CDH13: variants seen among roughly 807,000 people sequenced by gnomAD.
CDH13 encodes cadherin 13.
CDH13 carries 24 observed loss-of-function variants against 63.8 expected under a neutral mutation model. That is an observed-to-expected ratio of 0.38 (90% confidence interval 0.27 to 0.53). The LOEUF (loss-of-function observed/expected upper bound fraction) is 0.53, where lower values mean the gene tolerates loss of function less well. Among genes scored for constraint, CDH13 ranks in the 20% least tolerant of loss-of-function variants. The probability of loss-of-function intolerance (pLI) is 0.85; values close to 1 mark genes in which losing one functional copy is unlikely to be tolerated. For synonymous variants in CDH13, 503 were observed against 355.3 expected (o/e 1.42, Z -4.67); for missense variants, 1,049 against 903.1 (o/e 1.16, Z -2.07).
At chr16:83,463,606 G>C (rs1013397203) in intron 6 of CDH13, among the ~76,000 whole-genome samples, 1 of 152,188 alleles carries the variant, frequency 6.6e-6, no homozygotes, top group Non-Finnish European at 1.5e-5. Flanking sequence ...TTCAAGACCA[G>C]TCTGGGCAAC....
chr16:82,731,058 G>A (rs1340907989), intron 1 of CDH13, among the ~76,000 whole-genome samples: 1 of 152,176 alleles, frequency 6.6e-6, no homozygotes, highest in African/African-American at 2.4e-5. Flanking sequence ...ATAGCTGCCA[G>A]CACTTCATTC....
At chr16:82,868,813 G>C (rs977839709) in intron 2 of CDH13, among the ~76,000 whole-genome samples, 1 of 152,202 alleles carries the variant, frequency 6.6e-6, no homozygotes, top group Non-Finnish European at 1.5e-5. Context: ...TTTCTGGGTA[G>C]TGTTGCGTCT....
At chr16:83,765,125 C>G (rs557234016) in intron 11 of CDH13, among the ~76,000 whole-genome samples, 117 of 152,334 alleles carry the variant, frequency 7.7e-4, no homozygotes, top group African/African-American at 2.7e-3. Context: ...AACACCATCC[C>G]ACATCTGCTT....
chr16:83,297,363 T>C (rs1050151721), intron 5 of CDH13, among the ~76,000 whole-genome samples: 1 of 152,128 alleles, frequency 6.6e-6, no homozygotes, highest in African/African-American at 2.4e-5. Flanking sequence ...AATACAATAA[T>C]TGTACGTCAA....
At chr16:83,484,914 A>G (rs2073852255) in intron 6 of CDH13, among the ~76,000 whole-genome samples, 1 of 152,206 alleles carries the variant, frequency 6.6e-6, no homozygotes, top group African/African-American at 2.4e-5. Context: ...CGCTGATTCC[A>G]TGACAAGGTC....
At chr16:83,539,823 C>G (rs1189684543) in intron 7 of CDH13, among the ~76,000 whole-genome samples, 1 of 152,098 alleles carries the variant, frequency 6.6e-6, no homozygotes, top group Non-Finnish European at 1.5e-5. Context: ...AGGAATGGTT[C>G]TAGAAAGAAA....
At chr16:83,451,965 G>T (rs940615888) in intron 6 of CDH13, among the ~76,000 whole-genome samples, 1 of 152,114 alleles carries the variant, frequency 6.6e-6, no homozygotes, top group Non-Finnish European at 1.5e-5. Flanking sequence ...TTGCTCTTCT[G>T]TTTAATCTTT....
chr16:83,789,044 C>T (rs1159868527), intron 13 of CDH13, among the ~76,000 whole-genome samples: 1 of 152,190 alleles, frequency 6.6e-6, no homozygotes, highest in East Asian at 1.9e-4. Flanking sequence ...GAGATGCCTG[C>T]CAAATGTCAT....
chr16:82,676,471 G>C (rs981478849), intron 1 of CDH13, among the ~76,000 whole-genome samples: 1 of 145,878 alleles, frequency 6.9e-6, no homozygotes, highest in Non-Finnish European at 1.5e-5. Context: ...ATCCTAATCT[G>C]AGCTACCATC....
chr16:83,572,986 G>C (rs921321522), intron 7 of CDH13, among the ~76,000 whole-genome samples: 1 of 152,206 alleles, frequency 6.6e-6, no homozygotes, highest in African/African-American at 2.4e-5. Flanking sequence ...CAGGCTGAGT[G>C]ATGAAGCTCT....
intron 1 of CDH13, among the ~76,000 whole-genome samples, chr16:82,848,875 T>C (rs77533281): frequency 1.6e-3 from 242 of 152,304 alleles, no homozygotes; most frequent in Non-Finnish European, 3.0e-3. Flanking sequence ...AAAGCTGAGG[T>C]AGGCTGAAAG....
intron 6 of CDH13, among the ~76,000 whole-genome samples, chr16:83,356,662 A>G (rs952562674): frequency 6.6e-6 from 1 of 152,168 alleles, no homozygotes; most frequent in South Asian, 2.1e-4. Flanking sequence ...AAAGCCCTGA[A>G]TAATTTATGT....
intron 6 of CDH13, among the ~76,000 whole-genome samples, chr16:83,416,735 A>G (rs2071560401): frequency 6.6e-6 from 1 of 152,198 alleles, no homozygotes; most frequent in Non-Finnish European, 1.5e-5. Context: ...AAAGATGAAT[A>G]AAAGCACAAA....
chr16:82,760,104 A>G (rs758210488), intron 1 of CDH13, among the ~76,000 whole-genome samples: 16 of 152,092 alleles, frequency 1.1e-4, no homozygotes, highest in Non-Finnish European at 1.6e-4. Context: ...TTATTGCACA[A>G]TTTTCCTAAG....
At chr16:83,740,466 C>T (rs1426002362) in intron 10 of CDH13, among the ~76,000 whole-genome samples, 2 of 152,146 alleles carry the variant, frequency 1.3e-5, no homozygotes, top group Non-Finnish European at 2.9e-5. Context: ...CCACAGCTAC[C>T]TCGGTCCACT....
intron 1 of CDH13, among the ~76,000 whole-genome samples, chr16:82,674,396 T>G (rs947813386): frequency 1.3e-5 from 2 of 152,210 alleles, no homozygotes; most frequent in Non-Finnish European, 2.9e-5. Context: ...TTGAAATGAA[T>G]GTGAGATTAA....
chr16:83,568,195 A>G (rs945965833), intron 7 of CDH13, among the ~76,000 whole-genome samples: 3 of 152,214 alleles, frequency 2.0e-5, no homozygotes, highest in Non-Finnish European at 4.4e-5. Flanking sequence ...CAAAAGGAAA[A>G]AAAAAAGCTG....
At chr16:83,159,209 C>T (rs1274095551) in intron 4 of CDH13, among the ~76,000 whole-genome samples, 1 of 152,018 alleles carries the variant, frequency 6.6e-6, no homozygotes, top group Admixed American at 6.6e-5. Flanking sequence ...AAAAAAAGAC[C>T]ATTCATCAGT....
At chr16:83,658,205 A>G (rs1304981247) in intron 8 of CDH13, among the ~76,000 whole-genome samples, 4 of 137,580 alleles carry the variant, frequency 2.9e-5, no homozygotes, top group Non-Finnish European at 1.6e-5. Context: ...GCAAGGTCTC[A>G]TGTCCTCACC....
Sources: allele counts gnomAD v4.1 joint callset (sites outside exome capture counted in the v4.1 genomes callset), GRCh38; gene constraint gnomAD v4.1.1; transcripts MANE v1.5; gene names NCBI Gene and HGNC (gene_info 2026-07-23, HGNC 2026-07-21).